The following GABBR2 variants were observed in gnomAD, a reference collection of about 807,000 sequenced individuals.
GABBR2 encodes the protein gamma-aminobutyric acid type B receptor subunit 2.
Under a neutral mutation model 105.6 loss-of-function variants are expected in GABBR2, and 23 were observed. The ratio of observed to expected loss-of-function variants is 0.22; its 90% CI spans 0.16 to 0.31. The LOEUF is 0.31. GABBR2 is among the 10% of genes least tolerant of loss of function. The pLI is 1.00. For missense variants in GABBR2, 734 were observed against 1,245.5 expected (o/e 0.59, Z 6.18); for synonymous variants, 478 against 499.7 (o/e 0.96, Z 0.58).
chr9:98,290,554 G>C lies in GABBR2; in HGVS notation c.*30C>G. 7.5e-7 allele frequency: 1 copy of C among 1,340,732 alleles called. No homozygotes were observed. The highest frequency in any genetic ancestry group is 9.6e-7 in the Non-Finnish European group (1 of 1,038,458). The allele number at this position is 1,340,732 out of a possible 1,614,324, so 83.1% of individuals were successfully genotyped here. On this transcript the variant is annotated 3_prime_UTR_variant, in exon 19 of 19. Coordinates refer to ENST00000259455, the MANE Select transcript of GABBR2 (RefSeq NM_005458.8). ...CTCTGCCCAGTGTGGTTCTGTCACG[G>C]GGGAGGCCCCGGGCCCAGGCCTCCC...
chr9:98,490,936 G>A (rs978121155), intron 4 of GABBR2, among the ~76,000 whole-genome samples: 8 of 151,826 alleles, frequency 5.3e-5, no homozygotes, highest in African/African-American at 9.7e-5. Context: ...TACAAATTTC[G>A]ATACACATCT....
chr9:98,507,269 G>A (rs1378926306), intron 3 of GABBR2, among the ~76,000 whole-genome samples: 23 of 152,190 alleles, frequency 1.5e-4, no homozygotes, highest in Admixed American at 1.5e-3. Flanking sequence ...TCAAGATGGA[G>A]CAACCATCTG....
chr9:98,572,716 G>A (rs1828849766), intron 2 of GABBR2, among the ~76,000 whole-genome samples: 1 of 152,152 alleles, frequency 6.6e-6, no homozygotes, highest in African/African-American at 2.4e-5. Flanking sequence ...GCTACTCCCA[G>A]ATCAAGATCC....
intron 1 of GABBR2, among the ~76,000 whole-genome samples, chr9:98,676,061 G>C (rs1226912922): frequency 2.0e-5 from 3 of 152,246 alleles, no homozygotes; most frequent in African/African-American, 7.2e-5. Flanking sequence ...CTGCATATGT[G>C]ACTAAGAATT....
chr9:98,502,928 C>A (rs1255852054), intron 3 of GABBR2, among the ~76,000 whole-genome samples: 1 of 152,176 alleles, frequency 6.6e-6, no homozygotes, highest in Non-Finnish European at 1.5e-5. Flanking sequence ...ACTTATTCAC[C>A]CACTCATTCA....
At chr9:98,614,643 A>G (rs2131816646) in intron 1 of GABBR2, among the ~76,000 whole-genome samples, 1 of 152,332 alleles carries the variant, frequency 6.6e-6, no homozygotes, top group South Asian at 2.1e-4. Flanking sequence ...AATACTATAG[A>G]TTGTTTATGG....
intron 1 of GABBR2, among the ~76,000 whole-genome samples, chr9:98,700,418 G>A (rs1029997291): frequency 1.1e-4 from 17 of 152,180 alleles, no homozygotes; most frequent in African/African-American, 4.1e-4. Context: ...TCACTGAGTT[G>A]GGTGGGGATT....
intron 13 of GABBR2, among the ~76,000 whole-genome samples, chr9:98,348,206 A>T (rs1050261162): frequency 6.6e-6 from 1 of 152,190 alleles, no homozygotes; most frequent in Non-Finnish European, 1.5e-5. Flanking sequence ...TTTCCCCAGT[A>T]TATGTTCTTG....
At chr9:98,531,101 G>A (rs1175589285) in intron 3 of GABBR2, among the ~76,000 whole-genome samples, 4 of 152,146 alleles carry the variant, frequency 2.6e-5, no homozygotes, top group African/African-American at 2.4e-5. Context: ...CTCAGTCAAC[G>A]CTATGTTCCA....
At chr9:98,617,286 C>G (rs978742462) in intron 1 of GABBR2, among the ~76,000 whole-genome samples, 1 of 152,102 alleles carries the variant, frequency 6.6e-6, no homozygotes, top group African/African-American at 2.4e-5. Flanking sequence ...CAGCTGCTCC[C>G]CAAAGGAGGT....
intron 8 of GABBR2, among the ~76,000 whole-genome samples, chr9:98,399,404 T>C (rs1832350829): frequency 6.6e-6 from 1 of 151,666 alleles, no homozygotes; most frequent in African/African-American, 2.4e-5. Context: ...TCAGATATCC[T>C]TCCTAGATTC....
chr9:98,548,152 A>G (rs1315046343), intron 2 of GABBR2, among the ~76,000 whole-genome samples: 1 of 119,568 alleles, frequency 8.4e-6, no homozygotes, highest in African/African-American at 2.8e-5. Context: ...TACTTTTTCA[A>G]AGGTGTTTTA....
chr9:98,462,509 C>T (rs1468743986), intron 6 of GABBR2, among the ~76,000 whole-genome samples: 1 of 151,976 alleles, frequency 6.6e-6, no homozygotes, highest in Non-Finnish European at 1.5e-5. Flanking sequence ...GGGCAATTCA[C>T]AAAAAAGGGT....
At chr9:98,581,044 T>G (rs1301688551) in intron 1 of GABBR2, 1 of 152,258 alleles carries the variant, frequency 6.6e-6, no homozygotes, top group Non-Finnish European at 1.5e-5. Flanking sequence ...GACAGAGGAC[T>G]CAGTCCGACA....
intron 2 of GABBR2, among the ~76,000 whole-genome samples, chr9:98,574,120 C>G (rs1828878086): frequency 6.6e-6 from 1 of 152,232 alleles, no homozygotes; most frequent in Non-Finnish European, 1.5e-5. Context: ...GGCAGGGCCT[C>G]AGCATCAAGT....
chr9:98,616,751 C>CA (rs35879049), intron 1 of GABBR2, among the ~76,000 whole-genome samples: 117,510 of 143,578 alleles, frequency 0.82, 48,552 homozygotes, highest in Middle Eastern at 0.91. Flanking sequence ...GACTCCGTCT[C>CA]AAAAAAAAAA....
At chr9:98,355,736 C>T (rs2131432026) in intron 13 of GABBR2, among the ~76,000 whole-genome samples, 1 of 152,276 alleles carries the variant, frequency 6.6e-6, no homozygotes, top group East Asian at 1.9e-4. Flanking sequence ...CCAAAGTTTA[C>T]ATGAGTGGCA....
intron 7 of GABBR2, among the ~76,000 whole-genome samples, chr9:98,425,805 C>A (rs1183229131): frequency 6.6e-6 from 1 of 152,180 alleles, no homozygotes. Context: ...CCAACCCCAG[C>A]AGGAGAGCAG....
chr9:98,603,153 C>T (rs1276558693), intron 1 of GABBR2, among the ~76,000 whole-genome samples: 1 of 152,150 alleles, frequency 6.6e-6, no homozygotes, highest in Admixed American at 6.5e-5. Context: ...ATAAATACCC[C>T]CACTCTCTCT....
Sources: gnomAD v4.1 joint callset for allele counts (sites outside exome capture counted in the v4.1 genomes callset) on GRCh38, gnomAD v4.1.1 for gene constraint, MANE v1.5 for transcripts, NCBI Gene and HGNC (gene_info 2026-07-23, HGNC 2026-07-21) for gene names.